Variants in TTC1 observed in about 807,000 individuals in gnomAD.
TTC1 encodes the protein tetratricopeptide repeat protein 1.
A neutral mutation model predicts 37.6 loss-of-function variants in TTC1; 31 were observed. The ratio of observed to expected loss-of-function variants is 0.82; its 90% CI spans 0.62 to 1.11. The LOEUF (loss-of-function observed/expected upper bound fraction) is 1.11. TTC1 is among the 50% of genes most tolerant of loss of function. TTC1 has a pLI of 0.00. For synonymous variants in TTC1, 127 were observed against 122.4 expected (o/e 1.04, Z -0.25); for missense variants, 351 against 339.0 (o/e 1.04, Z -0.28).
chr5:160,023,854 C>A lies in TTC1; in HGVS notation c.331-11286C>A, dbSNP rs371708074. 5.6e-6 allele frequency: 9 copies of A among 1,612,712 alleles called. No homozygotes were observed. In the East Asian group the frequency reaches 6.7e-5, roughly 12 times the overall value. On this transcript the variant is annotated intron_variant, in intron 2 of 7. Coordinates refer to ENST00000231238, the MANE Select transcript of TTC1 (RefSeq NM_003314.3). Reference sequence around the variant, plus strand: ...TGTCAGAGTCAGATGACTTCCAATTCTTTTTCTTCTCCTCCTTTCTTTTTC... The same window carrying A: ...TGTCAGAGTCAGATGACTTCCAATTATTTTTCTTCTCCTCCTTTCTTTTTC...
At chr5:160,047,979 G>A (rs1306109320) in intron 5 of TTC1, among the ~76,000 whole-genome samples, 1 of 152,082 alleles carries the variant, frequency 6.6e-6, no homozygotes, top group African/African-American at 2.4e-5. Flanking sequence ...AACAAGGACT[G>A]TGTCTGTCTT....
intron 2 of TTC1, among the ~76,000 whole-genome samples, chr5:160,026,265 G>A (rs1206622353): frequency 6.6e-6 from 1 of 152,190 alleles, no homozygotes; most frequent in Non-Finnish European, 1.5e-5. Context: ...TGAGGTTCTG[G>A]CAGTGTTCTC....
intron 4 of TTC1, 101 bp from the exon 5 acceptor site, chr5:160,043,032 A>G: frequency 8.4e-7 from 1 of 1,196,608 alleles, no homozygotes; most frequent in Admixed American, 2.5e-5. Context: ...ACCATTCTGT[A>G]TCTCCATAAG....
chr5:160,054,044 G>A (rs566632935), intron 7 of TTC1, among the ~76,000 whole-genome samples: 2 of 152,278 alleles, frequency 1.3e-5, no homozygotes, highest in Non-Finnish European at 2.9e-5. Context: ...CTTGAGGAAA[G>A]TGGTCAGCAG....
chr5:160,029,967 G>A (rs1357212223), intron 2 of TTC1, among the ~76,000 whole-genome samples: 1 of 152,182 alleles, frequency 6.6e-6, no homozygotes, highest in East Asian at 1.9e-4. Flanking sequence ...GCCCAGGTCT[G>A]AGGGCCAAAA....
intron 2 of TTC1, among the ~76,000 whole-genome samples, chr5:160,029,284 C>T (rs1756863909): frequency 6.6e-6 from 1 of 151,824 alleles, no homozygotes; most frequent in Admixed American, 6.6e-5. Flanking sequence ...GGAGTAATAC[C>T]CTAGTAACAG....
chr5:160,024,077 G>T, intron 2 of TTC1: 1 of 977,864 alleles, frequency 1.0e-6, no homozygotes, highest in South Asian at 1.3e-5. Flanking sequence ...GTAAGTGTGG[G>T]GGGATGGGCA....
intron 2 of TTC1, among the ~76,000 whole-genome samples, chr5:160,015,240 G>A (rs867691987): frequency 3.3e-5 from 5 of 152,174 alleles, no homozygotes; most frequent in Middle Eastern, 3.4e-3. Flanking sequence ...GCCAAGTCTC[G>A]CTCTGTTGCC....
Position 160,057,771 on chromosome 5 carries a change from CGTGT to C in TTC1, c.745+6602_745+6605del, listed in dbSNP as rs140239164. Among the ~76,000 whole-genome samples, 1 of 150,576 alleles carries C rather than the reference CGTGT, an allele frequency of 6.6e-6. No individual in the cohort carries two copies. The highest frequency in any genetic ancestry group is 1.9e-4 in the East Asian group (1 of 5,140). ...GTTATGTAATATTTGGGGGTTTGTG[CGTGT>C]GTGTGTGTGTGTGACACAGAGCCTC... On this transcript the variant is annotated intron_variant, in intron 7 of 7. Coordinates refer to ENST00000231238, the MANE Select transcript of TTC1 (RefSeq NM_003314.3). The surrounding 1 kb of genome is among the most constrained non-coding windows in gnomAD (Gnocchi z 4.4).
chr5:160,051,300 A>G, intron 7 of TTC1, 117 bp downstream of exon 7: 1 of 771,868 alleles, frequency 1.3e-6, no homozygotes, highest in Non-Finnish European at 2.0e-6. Context: ...CCACAAGGCT[A>G]CTGACTTCTG....
intron 5 of TTC1, among the ~76,000 whole-genome samples, chr5:160,048,225 G>T (rs1319611933): frequency 2.4e-5 from 3 of 127,000 alleles, no homozygotes; most frequent in African/African-American, 3.0e-5. Context: ...GCCACTCACT[G>T]CACGCAACCT....
chr5:160,013,845 A>G (rs1270190909), intron 2 of TTC1, among the ~76,000 whole-genome samples: 4 of 152,048 alleles, frequency 2.6e-5, no homozygotes, highest in African/African-American at 9.7e-5. Flanking sequence ...CTCATATACT[A>G]ATATTGAGAA....
In TTC1 at chr5:160,035,210, C is replaced by T. The variant is rs1282295784; in HGVS notation, c.391+10C>T. ...CAGTTTAAGAAAGGAGGTAAGACGACTTTCAGCACTGATAATCTGGTCATC... is the reference window on the plus strand; with the variant it reads ...CAGTTTAAGAAAGGAGGTAAGACGATTTTCAGCACTGATAATCTGGTCATC... On this transcript the variant is annotated intron_variant, in intron 3 of 7. Transcript: ENST00000231238. The T allele has an allele frequency of 1.3e-6, 2 of 1,596,182 alleles. No individual in the cohort carries two copies. The highest frequency in any genetic ancestry group is 2.3e-5 in the East Asian group (1 of 44,046).
intron 4 of TTC1, among the ~76,000 whole-genome samples, chr5:160,042,014 C>T (rs1034052024): frequency 6.6e-6 from 1 of 152,112 alleles, no homozygotes; most frequent in African/African-American, 2.4e-5. Flanking sequence ...ACTGCAATCT[C>T]CACCTCCTGG....
intron 2 of TTC1, among the ~76,000 whole-genome samples, chr5:160,012,957 A>G (rs61268844): frequency 0.031 from 4,698 of 152,230 alleles, 117 homozygotes; most frequent in East Asian, 0.12. Flanking sequence ...TTCCTGTCCC[A>G]TAGGTGGTTT....
At chr5:160,030,182 A>G (rs376059258) in intron 2 of TTC1, among the ~76,000 whole-genome samples, 4 of 152,242 alleles carry the variant, frequency 2.6e-5, no homozygotes, top group South Asian at 2.1e-4. Context: ...TGTGGTTTGT[A>G]CTAGACTTTG....
chr5:160,056,266 C>T (rs928285500), intron 7 of TTC1, among the ~76,000 whole-genome samples: 1 of 152,198 alleles, frequency 6.6e-6, no homozygotes, highest in Non-Finnish European at 1.5e-5. Flanking sequence ...ACATGTGGGC[C>T]TTGTTCATAA....
At chr5:160,042,118 C>A (rs1319643417) in intron 4 of TTC1, among the ~76,000 whole-genome samples, 2 of 151,674 alleles carry the variant, frequency 1.3e-5, no homozygotes, top group African/African-American at 2.4e-5. Context: ...TTAGCAGATA[C>A]AGGGTTTCAC....
intron 2 of TTC1, among the ~76,000 whole-genome samples, chr5:160,024,642 G>A (rs1756769724): frequency 6.6e-6 from 1 of 151,522 alleles, no homozygotes; most frequent in Non-Finnish European, 1.5e-5. Flanking sequence ...GAATACAGGG[G>A]CTTGCCATCA....
Sources: allele counts gnomAD v4.1 joint callset (sites outside exome capture counted in the v4.1 genomes callset), GRCh38; gene constraint gnomAD v4.1.1; non-coding constraint Gnocchi (gnomAD v3.1); transcripts MANE v1.5; gene names NCBI Gene and HGNC (gene_info 2026-07-23, HGNC 2026-07-21).